STK39: variants seen among roughly 807,000 people sequenced by gnomAD.
STK39 encodes serine/threonine kinase 39, also known as STE20/SPS1-related proline-alanine-rich protein kinase.
Under a neutral mutation model 77.8 loss-of-function variants are expected in STK39, and 20 were observed. That is an observed-to-expected ratio of 0.26 (90% CI 0.18 to 0.37). The LOEUF is 0.37. Among genes scored for constraint, STK39 ranks in the 10% least tolerant of loss-of-function variants. STK39 has a pLI of 1.00. For missense variants in STK39, 479 were observed against 656.5 expected (o/e 0.73, Z 2.95); for synonymous variants, 246 against 234.1 (o/e 1.05, Z -0.47).
chr2:168,036,549 A>T (rs1028016446), intron 14 of STK39, among the ~76,000 whole-genome samples: 3 of 152,236 alleles, frequency 2.0e-5, no homozygotes, highest in Non-Finnish European at 2.9e-5. Context: ...AAAAATGTTT[A>T]TCCATATAAT....
intron 16 of STK39, among the ~76,000 whole-genome samples, chr2:167,982,382 A>T (rs1683442346): frequency 6.6e-6 from 1 of 152,192 alleles, no homozygotes; most frequent in Non-Finnish European, 1.5e-5. Flanking sequence ...CTACAGTTAT[A>T]GCACTGACCC....
intron 10 of STK39, among the ~76,000 whole-genome samples, chr2:168,089,465 G>A (rs1410252366): frequency 6.6e-6 from 1 of 152,158 alleles, no homozygotes; most frequent in East Asian, 1.9e-4. Context: ...TTCAATGGAA[G>A]GATAAGTTGC....
chr2:167,997,075 G>A (rs539741752), intron 16 of STK39, among the ~76,000 whole-genome samples: 44 of 149,576 alleles, frequency 2.9e-4, no homozygotes, highest in African/African-American at 8.6e-4. Context: ...ACACCCTTCC[G>A]AGTGTCTGTA....
At chr2:168,140,810 T>C (rs1033186925) in intron 5 of STK39, 52 bp from the exon 6 acceptor site, 1 of 1,431,560 alleles carries the variant, frequency 7.0e-7, no homozygotes. Flanking sequence ...TTATTGCTTA[T>C]AAATTGTGAT....
chr2:168,185,127 T>C (rs4668043), intron 1 of STK39, among the ~76,000 whole-genome samples: 51,095 of 152,064 alleles, frequency 0.34, 9,090 homozygotes, highest in East Asian at 0.46. Context: ...TTTTGAACAA[T>C]ATATGATACT....
chr2:168,013,793 GGTGT>G (rs4000936), intron 15 of STK39, among the ~76,000 whole-genome samples: 3,486 of 147,702 alleles, frequency 0.024, 134 homozygotes, highest in African/African-American at 0.079. Context: ...TAAGTGGGCT[GGTGT>G]GTGTGTGTGT....
chr2:168,110,236 GTTTA>G (rs1687086412), intron 10 of STK39, among the ~76,000 whole-genome samples: 2 of 151,886 alleles, frequency 1.3e-5, no homozygotes, highest in Admixed American at 6.6e-5. Flanking sequence ...ATTTATTTTT[GTTTA>G]TTTATTTTTG....
At chr2:168,103,321 AGCC>A (rs1686885018) in intron 10 of STK39, among the ~76,000 whole-genome samples, 1 of 152,202 alleles carries the variant, frequency 6.6e-6, no homozygotes. Context: ...CATCTTTGTA[AGCC>A]ATCTCGAATC....
chr2:168,133,510 C>G (rs1337439461), intron 8 of STK39, among the ~76,000 whole-genome samples: 2 of 152,016 alleles, frequency 1.3e-5, no homozygotes, highest in African/African-American at 4.8e-5. Flanking sequence ...GGGATAAAAT[C>G]CTACATATGC....
chr2:168,068,988 C>T lies in STK39; in HGVS notation c.1243-3607G>A, dbSNP rs952913888. Among the ~76,000 whole-genome samples, 3 of 152,204 alleles carry T rather than the reference C, an allele frequency of 2.0e-5. No individual in the cohort carries two copies. In the East Asian group the frequency reaches 5.8e-4, roughly 29 times the overall value. The stretch of plus-strand genomic sequence containing the variant: ...CTGGAGTGCAGTGGCATGATCTCAG[C>T]TCACTGCAACCTCCGCCTCCTGGGT... On this transcript the variant is annotated intron_variant, in intron 12 of 17. Coordinates refer to ENST00000355999, the MANE Select transcript of STK39 (RefSeq NM_013233.3).
chr2:168,150,691 G>A (rs1055946034), intron 5 of STK39, among the ~76,000 whole-genome samples: 1 of 151,562 alleles, frequency 6.6e-6, no homozygotes, highest in African/African-American at 2.4e-5. Context: ...TAAAAGCAAT[G>A]GCAATAACCA....
At chr2:168,027,530 C>T (rs1442211235) in intron 14 of STK39, among the ~76,000 whole-genome samples, 1 of 152,144 alleles carries the variant, frequency 6.6e-6, no homozygotes, top group East Asian at 1.9e-4. Flanking sequence ...CACACTGTTC[C>T]CTTTAACAAC....
intron 14 of STK39, among the ~76,000 whole-genome samples, chr2:168,017,726 C>T (rs577978483): frequency 1.3e-5 from 2 of 151,980 alleles, no homozygotes; most frequent in Non-Finnish European, 2.9e-5. Flanking sequence ...AAATGGTATC[C>T]ATTTTTTTTC....
chr2:168,168,327 T>C (rs778219381), intron 2 of STK39, among the ~76,000 whole-genome samples: 1 of 152,204 alleles, frequency 6.6e-6, no homozygotes, highest in African/African-American at 2.4e-5. Flanking sequence ...TTTTAAGTTA[T>C]TGTCGGATGA....
chr2:168,200,045 A>G (rs1270096080), intron 1 of STK39, among the ~76,000 whole-genome samples: 1 of 152,196 alleles, frequency 6.6e-6, no homozygotes, highest in East Asian at 1.9e-4. Context: ...AATCTCTCAC[A>G]TTCTCCAGCA....
intron 16 of STK39, among the ~76,000 whole-genome samples, chr2:168,008,717 T>C (rs1435422438): frequency 6.6e-6 from 1 of 152,010 alleles, no homozygotes; most frequent in Non-Finnish European, 1.5e-5. Flanking sequence ...TCAAGATTTA[T>C]AGGTTAGAGA....
intron 17 of STK39, among the ~76,000 whole-genome samples, chr2:167,956,689 C>CACACACACACACAG: frequency 2.2e-5 from 1 of 46,168 alleles, no homozygotes; most frequent in African/African-American, 1.2e-4. Context: ...CACACACACA[C>CACACACACACACAG]ACACACACTC....
At chr2:168,141,275 G>A (rs1047110429) in intron 5 of STK39, among the ~76,000 whole-genome samples, 3 of 152,130 alleles carry the variant, frequency 2.0e-5, no homozygotes, top group Admixed American at 6.5e-5. Flanking sequence ...GACCAGAAAT[G>A]TTTTAGATTT....
At chr2:168,143,586 C>T (rs552183828) in intron 5 of STK39, among the ~76,000 whole-genome samples, 3 of 152,228 alleles carry the variant, frequency 2.0e-5, no homozygotes, top group Non-Finnish European at 4.4e-5. Flanking sequence ...TGGTGGCACG[C>T]GCCTGTAGTC....
Sources: gnomAD v4.1 joint callset for allele counts (sites outside exome capture counted in the v4.1 genomes callset) on GRCh38, gnomAD v4.1.1 for gene constraint, MANE v1.5 for transcripts, NCBI Gene and HGNC (gene_info 2026-07-23, HGNC 2026-07-21) for gene names.